CDC14A: variants seen among roughly 807,000 people sequenced by gnomAD.
The protein encoded by CDC14A is dual specificity protein phosphatase CDC14A.
Under a neutral mutation model 74.4 loss-of-function variants are expected in CDC14A, and 53 were observed. The ratio of observed to expected loss-of-function variants is 0.71; its 90% CI spans 0.57 to 0.89. CDC14A has a LOEUF of 0.89. Among genes scored for constraint, CDC14A ranks in the 40% least tolerant of loss-of-function variants. The probability of loss-of-function intolerance (pLI) is 0.00; values close to 1 mark genes in which losing one functional copy is unlikely to be tolerated. For synonymous variants in CDC14A, 247 were observed against 258.4 expected (o/e 0.96, Z 0.43); for missense variants, 646 against 713.7 (o/e 0.91, Z 1.08).
intron 5 of CDC14A, among the ~76,000 whole-genome samples, chr1:100,426,551 A>G (rs981477029): frequency 2.6e-5 from 4 of 152,222 alleles, no homozygotes; most frequent in Non-Finnish European, 4.4e-5. Context: ...TTTCACTCAA[A>G]TACTTTTATG....
Position 100,496,022 on chromosome 1 carries a change from A to C in CDC14A, c.1271A>C (p.His424Pro), listed in dbSNP as rs1414596500. Residue 424 changes from histidine to proline, a missense_variant, in exon 13 of 16, where the codon CAT (histidine) becomes CCT (proline). Physicochemically the swap from His to Pro is moderately conservative, Grantham distance 77. Transcript: ENST00000336454. Reference sequence around the variant, plus strand: ...CGCAGGTCAGATGATACAAAAGGACATCCAAGAGCAGTGTCCCAGCCTTTC... The same window carrying C: ...CGCAGGTCAGATGATACAAAAGGACCTCCAAGAGCAGTGTCCCAGCCTTTC... ...CAFRSDDTKG[H>P]PRAVSQPFRL... 8 of 1,613,976 alleles carry C rather than the reference A, an allele frequency of 5.0e-6. No homozygotes were observed. The highest frequency in any genetic ancestry group is 5.9e-6 in the Non-Finnish European group (7 of 1,179,838).
chr1:100,409,466 A>G (rs916416924), intron 4 of CDC14A, among the ~76,000 whole-genome samples: 4 of 152,218 alleles, frequency 2.6e-5, no homozygotes, highest in African/African-American at 4.8e-5. Context: ...CCAAAGTCTC[A>G]TCTGAGACAA....
chr1:100,358,003 T>G (rs1652160668), intron 2 of CDC14A, among the ~76,000 whole-genome samples: 1 of 152,162 alleles, frequency 6.6e-6, no homozygotes, highest in Admixed American at 6.5e-5. Context: ...AAGTGAACGT[T>G]TGAATTATCT....
At chr1:100,423,397 C>G (rs1315435352) in intron 4 of CDC14A, among the ~76,000 whole-genome samples, 1 of 152,192 alleles carries the variant, frequency 6.6e-6, no homozygotes, top group Non-Finnish European at 1.5e-5. Context: ...TACCTTGACT[C>G]AGGTAGCTGC....
chr1:100,475,426 G>T (rs1668791273), intron 10 of CDC14A, among the ~76,000 whole-genome samples: 1 of 152,164 alleles, frequency 6.6e-6, no homozygotes, highest in African/African-American at 2.4e-5. Flanking sequence ...TTTTCATTCA[G>T]TCAATGTCAA....
At position 100,412,728 on chromosome 1, in the gene CDC14A, T is replaced by TATATAAA. The variant is rs1660970184; in HGVS notation, c.310-11489_310-11488insAAATATA. On this transcript the variant is annotated intron_variant, in intron 4 of 15. Transcript: ENST00000336454. ...TATATATATATATATATATATTTTATATATATATATTTTATATATATATAT... is the reference window on the plus strand; with the variant it reads ...TATATATATATATATATATATTTTATATATAAAATATATATATTTTATATATATATAT... Among the ~76,000 whole-genome samples, 17 of 98,200 alleles carry TATATAAA rather than the reference T, an allele frequency of 1.7e-4. 1 individual carries two copies. Among genetic ancestry groups the TATATAAA allele is most frequent in the South Asian group, 5.2e-4 (2 of 3,878 alleles). The allele number at this position is 98,200 out of a possible 152,430, so 64.4% of individuals were successfully genotyped here.
chr1:100,373,972 A>C (rs920614046), intron 2 of CDC14A, among the ~76,000 whole-genome samples: 1 of 152,038 alleles, frequency 6.6e-6, no homozygotes, highest in Non-Finnish European at 1.5e-5. Context: ...ACCCCACAAC[A>C]GTCCCCAGAG....
intron 2 of CDC14A, among the ~76,000 whole-genome samples, chr1:100,369,937 A>G (rs774191136): frequency 6.6e-5 from 10 of 151,892 alleles, no homozygotes; most frequent in Non-Finnish European, 1.2e-4. Context: ...CAGCCTCCCA[A>G]GTAGCTAGGA....
intron 4 of CDC14A, among the ~76,000 whole-genome samples, chr1:100,405,141 TC>T (rs540023470): frequency 5.3e-5 from 8 of 152,230 alleles, no homozygotes; most frequent in Non-Finnish European, 1.2e-4. Flanking sequence ...GATAAACCTT[TC>T]CTGATGTTTT....
At chr1:100,440,402 G>A (rs1427980689) in intron 6 of CDC14A, among the ~76,000 whole-genome samples, 1 of 152,104 alleles carries the variant, frequency 6.6e-6, no homozygotes, top group African/African-American at 2.4e-5. Flanking sequence ...TCTGGGGGTG[G>A]AGCCCTGCGG....
At chr1:100,469,133 C>G (rs1056871558) in intron 10 of CDC14A, among the ~76,000 whole-genome samples, 1 of 151,940 alleles carries the variant, frequency 6.6e-6, no homozygotes, top group African/African-American at 2.4e-5. Flanking sequence ...TATTCCTTTC[C>G]AGTTTTAATG....
In CDC14A at chr1:100,357,629, G is replaced by A. The variant is rs570056935; in HGVS notation, c.140+3777G>A. Among the ~76,000 whole-genome samples, 7 of 151,696 alleles carry A rather than the reference G, an allele frequency of 4.6e-5. No homozygotes were observed. The South Asian group carries it at 1.3e-3, about 27-fold the overall frequency. On this transcript the variant is annotated intron_variant, in intron 2 of 15. Coordinates refer to ENST00000336454, the MANE Select transcript of CDC14A (RefSeq NM_003672.4). ...AAATTAAATGCTGCTTTTCCAGCTGGGTGTGCTTGTAGTCCCAGCTACTCT... is the reference window on the plus strand; with the variant it reads ...AAATTAAATGCTGCTTTTCCAGCTGAGTGTGCTTGTAGTCCCAGCTACTCT...
At chr1:100,369,439 G>A (rs543580912) in intron 2 of CDC14A, among the ~76,000 whole-genome samples, 1 of 152,312 alleles carries the variant, frequency 6.6e-6, no homozygotes, top group African/African-American at 2.4e-5. Context: ...TGACTGGTGT[G>A]AGATGGTGTC....
intron 9 of CDC14A, among the ~76,000 whole-genome samples, chr1:100,465,329 G>A (rs1394150946): frequency 6.6e-6 from 1 of 152,172 alleles, no homozygotes; most frequent in East Asian, 1.9e-4. Flanking sequence ...GTATAGGATA[G>A]TCACATTTAC....
intron 8 of CDC14A, among the ~76,000 whole-genome samples, chr1:100,461,072 C>T (rs558210091): frequency 2.6e-5 from 4 of 152,312 alleles, no homozygotes; most frequent in Non-Finnish European, 4.4e-5. Context: ...AAAGGCAACA[C>T]TGAAGAAACC....
chr1:100,425,544 G>C (rs1662855890), intron 5 of CDC14A, among the ~76,000 whole-genome samples: 1 of 152,118 alleles, frequency 6.6e-6, no homozygotes, highest in Non-Finnish European at 1.5e-5. Context: ...ACAGGAGGTA[G>C]CTGTTAGGGT....
chr1:100,353,057 C>T, intron 1 of CDC14A, 54 bp downstream of exon 1: 4 of 1,581,568 alleles, frequency 2.5e-6, no homozygotes, highest in Non-Finnish European at 3.5e-6. Flanking sequence ...CAACTCTTCA[C>T]TTCCCGCGCC....
chr1:100,362,985 AC>A (rs1307544731), intron 2 of CDC14A: 8 of 152,260 alleles, frequency 5.3e-5, no homozygotes, highest in African/African-American at 1.9e-4. Context: ...CCTGCAGCTG[AC>A]CGCAACAGGT....
At position 100,499,238 on chromosome 1, in the gene CDC14A, G is replaced by A. The variant is rs769281953; in HGVS notation, c.1731G>A (p.Ala577=). Residue 577 remains alanine, a synonymous_variant, in exon 15 of 16, where the codon GCG becomes GCA. Coordinates refer to ENST00000336454, the MANE Select transcript of CDC14A (RefSeq NM_003672.4). ...ACACCGGGCTTTCTTCTTCTTCAGC[G>A]AGATTCCTGAGCCGTTCTATCCCTG... is the stretch of plus-strand genomic sequence containing the variant. The part of the protein sequence containing the change: ...PSYTGLSSSS[A]RFLSRSIPSL... 2 of 1,614,130 alleles carry A rather than the reference G, an allele frequency of 1.2e-6. No individual in the cohort carries two copies. Among genetic ancestry groups the A allele is most frequent in the Non-Finnish European group, 8.5e-7 (1 of 1,180,012 alleles).
Sources: gnomAD v4.1 joint callset for allele counts (sites outside exome capture counted in the v4.1 genomes callset) on GRCh38, gnomAD v4.1.1 for gene constraint, MANE v1.5 for transcripts, NCBI Gene and HGNC (gene_info 2026-07-23, HGNC 2026-07-21) for gene names.